CHMP7: variants seen among roughly 807,000 people sequenced by gnomAD.
The protein encoded by CHMP7 is charged multivesicular body protein 7.
In CHMP7, 15 loss-of-function variants were observed where a neutral mutation model predicts 53.7. That is an observed-to-expected ratio of 0.28 (90% CI 0.19 to 0.43). The LOEUF (loss-of-function observed/expected upper bound fraction) is 0.43, where lower values mean the gene tolerates loss of function less well. Ranked by LOEUF, CHMP7 falls within the 20% of genes least tolerant of loss-of-function variation. CHMP7 has a pLI of 1.00. For synonymous variants in CHMP7, 261 were observed against 228.0 expected (o/e 1.14, Z -1.30); for missense variants, 527 against 569.4 (o/e 0.93, Z 0.76).
chr8:23,257,892 A>G, intron 5 of CHMP7, 141 bp from the exon 6 acceptor site: 3 of 654,712 alleles, frequency 4.6e-6, no homozygotes, highest in Non-Finnish European at 8.2e-6. Context: ...TGCCGTCAGC[A>G]TCAGTTTTCT....
chr8:23,255,918 C>T (rs1311751105), intron 4 of CHMP7, among the ~76,000 whole-genome samples: 1 of 152,036 alleles, frequency 6.6e-6, no homozygotes, highest in East Asian at 1.9e-4. Flanking sequence ...TGCGCCACGG[C>T]CCCTGGCTAA....
chr8:23,254,560 A>ATAT (rs1802052750), intron 3 of CHMP7, among the ~76,000 whole-genome samples: 1 of 146,028 alleles, frequency 6.8e-6, no homozygotes, highest in African/African-American at 2.5e-5. Flanking sequence ...ACATCCAGCT[A>ATAT]TTTTTTTTTT....
chr8:23,253,584 T>C (rs1291588065), intron 3 of CHMP7, among the ~76,000 whole-genome samples: 1 of 152,226 alleles, frequency 6.6e-6, no homozygotes, highest in Non-Finnish European at 1.5e-5. Context: ...ACACCGTGCC[T>C]GGCTTCTCTC....
At chr8:23,256,262 A>G (rs1475788840) in intron 4 of CHMP7, among the ~76,000 whole-genome samples, 198 bp from the exon 5 acceptor site, 1 of 152,164 alleles carries the variant, frequency 6.6e-6, no homozygotes, top group African/African-American at 2.4e-5. Context: ...GAAGAAGGAA[A>G]AATGTTTACA....
intron 1 of CHMP7, among the ~76,000 whole-genome samples, chr8:23,245,111 C>G (rs1321661995): frequency 1.3e-5 from 2 of 152,178 alleles, no homozygotes; most frequent in Admixed American, 6.5e-5. Flanking sequence ...TCAGTCTGTA[C>G]AACTTTTATT....
chr8:23,247,941 TGC>T, intron 2 of CHMP7: 2 of 377,844 alleles, frequency 5.3e-6, no homozygotes, highest in Non-Finnish European at 5.3e-6. Flanking sequence ...TTTAGTTTGC[TGC>T]TCTTTCTGAT....
At chr8:23,248,581 C>T (rs1801799481) in intron 2 of CHMP7, among the ~76,000 whole-genome samples, 1 of 152,124 alleles carries the variant, frequency 6.6e-6, no homozygotes, top group Non-Finnish European at 1.5e-5. Flanking sequence ...TTGACGAATT[C>T]TAAAATGGTG....
At chr8:23,247,456 A>G (rs1801748651) in intron 2 of CHMP7, among the ~76,000 whole-genome samples, 1 of 152,224 alleles carries the variant, frequency 6.6e-6, no homozygotes, top group African/African-American at 2.4e-5. Flanking sequence ...GGCACAGCTC[A>G]TTCGTCTGGC....
At chr8:23,255,993 C>T (rs1364722153) in intron 4 of CHMP7, among the ~76,000 whole-genome samples, 1 of 152,026 alleles carries the variant, frequency 6.6e-6, no homozygotes, top group Non-Finnish European at 1.5e-5. Flanking sequence ...CTCCTGACCT[C>T]AAGTGATCTG....
intron 4 of CHMP7, 145 bp downstream of exon 4, chr8:23,255,577 C>G (rs1021787500): frequency 8.6e-6 from 6 of 694,984 alleles, no homozygotes; most frequent in Non-Finnish European, 1.5e-5. Flanking sequence ...TGGAAAATTC[C>G]AAACATTAAC....
At position 23,259,122 on chromosome 8, in the gene CHMP7, CT is replaced by C; in HGVS notation, c.1118del (p.Leu373Ter). The C allele has an allele frequency of 6.6e-7, 1 of 1,505,312 alleles. No homozygotes were observed. The highest frequency in any genetic ancestry group is 9.2e-7 in the Non-Finnish European group (1 of 1,083,152). The allele number at this position is 1,505,312 out of a possible 1,614,324, so 93.2% of individuals were successfully genotyped here. On this transcript the variant is annotated frameshift_variant, in exon 9 of 11. Transcript: ENST00000397677. LOFTEE classifies it high-confidence loss of function. ...CTCTGGCTGGTGGGGTAACAAATGGCTTAGGTGAGTGGACAAGGTGGTTATT... is the reference window on the plus strand; with the variant it reads ...CTCTGGCTGGTGGGGTAACAAATGGCTAGGTGAGTGGACAAGGTGGTTATT... Reference protein sequence around the residue: ...QTLAGGVTNGLDFDSEELEKE... With the variant: ...QTLAGGVTNGXDFDSEELEKE...
At chr8:23,251,107 A>T (rs1390563762) in intron 3 of CHMP7, among the ~76,000 whole-genome samples, 2 of 152,244 alleles carry the variant, frequency 1.3e-5, no homozygotes, top group East Asian at 3.9e-4. Context: ...TCTTTCTGTC[A>T]TCTCACATTG....
intron 10 of CHMP7, 79 bp from the exon 11 acceptor site, chr8:23,260,458 AC>A (rs1802342183): frequency 6.6e-7 from 1 of 1,511,200 alleles, no homozygotes; most frequent in Admixed American, 1.7e-5. Flanking sequence ...TTATATTAAG[AC>A]TCAGTCTCTT....
In CHMP7 at chr8:23,261,973, A is replaced by C. The variant is rs1157291396; in HGVS notation, c.*1374A>C. 1 of 152,308 alleles carries C rather than the reference A, an allele frequency of 6.6e-6. No individual in the cohort carries two copies. The highest frequency in any genetic ancestry group is 6.5e-5 in the Admixed American group (1 of 15,274). The allele number at this position is 152,308 out of a possible 1,614,324, so 9.4% of individuals were successfully genotyped here. ...CTATTTTTTTCTTTTTTATCTGGTA[A>C]ATAATTAAAAGAAAAACCGAACACT... On this transcript the variant is annotated 3_prime_UTR_variant, in exon 11 of 11. Transcript: ENST00000397677.
chr8:23,256,872 A>C (rs1178154739), intron 5 of CHMP7, among the ~76,000 whole-genome samples: 1 of 145,702 alleles, frequency 6.9e-6, no homozygotes, highest in African/African-American at 2.6e-5. Flanking sequence ...GGCTCACTGC[A>C]AGCTCCGCCT....
chr8:23,256,444 T>C lies in CHMP7; in HGVS notation c.658-16T>C. 1 of 1,590,030 alleles carries C rather than the reference T, an allele frequency of 6.3e-7. No individual in the cohort carries two copies. On this transcript the variant is annotated splice_polypyrimidine_tract_variant and intron_variant, in intron 4 of 10. Coordinates refer to ENST00000397677, the MANE Select transcript of CHMP7 (RefSeq NM_152272.5). Reference sequence around the variant, plus strand: ...CTTTGTGGTAGCAGCAGTAGTAATTTCTCCCTGTCCCTCAGATTGTGAAGT... The same window carrying C: ...CTTTGTGGTAGCAGCAGTAGTAATTCCTCCCTGTCCCTCAGATTGTGAAGT...
chr8:23,255,547 C>T (rs887132508), intron 4 of CHMP7, 115 bp downstream of exon 4: 3 of 853,198 alleles, frequency 3.5e-6, no homozygotes, highest in Non-Finnish European at 5.8e-6. Flanking sequence ...TGCCGTCAAC[C>T]ACGGTCCAAA....
rs372480929 is a variant in CHMP7, at chr8:23,249,389, C to T, written c.471+8C>T. On this transcript the variant is annotated splice_region_variant and intron_variant, in intron 3 of 10. Transcript: ENST00000397677. ...GCTGTGGAGCTGTTGAAGGTGGGTA[C>T]TCAGAAGGGGGTGTCTGGGTGTCAC... is the stretch of plus-strand genomic sequence containing the variant. The T allele has an allele frequency of 2.6e-4, 413 of 1,587,790 alleles. No individual in the cohort carries two copies. In the African/African-American group the frequency reaches 5.0e-3, roughly 19 times the overall value.
intron 3 of CHMP7, among the ~76,000 whole-genome samples, chr8:23,251,043 A>G (rs1801909615): frequency 6.6e-6 from 1 of 152,106 alleles, no homozygotes; most frequent in Non-Finnish European, 1.5e-5. Context: ...GGTCCCCGCA[A>G]AGACTGCAGG....
Sources: gnomAD v4.1 joint callset for allele counts (sites outside exome capture counted in the v4.1 genomes callset) on GRCh38, gnomAD v4.1.1 for gene constraint, MANE v1.5 for transcripts, NCBI Gene and HGNC (gene_info 2026-07-23, HGNC 2026-07-21) for gene names.